SAMD12: variants seen among roughly 807,000 people sequenced by gnomAD.
SAMD12 encodes sterile alpha motif domain-containing protein 12.
A neutral mutation model predicts 15.0 loss-of-function variants in SAMD12; 9 were observed. The observed-to-expected ratio is 0.60, with a 90% confidence interval of 0.36 to 1.05. The LOEUF is 1.05. Among genes scored for constraint, SAMD12 ranks in the 50% least tolerant of loss-of-function variants. The pLI, the probability that SAMD12 is intolerant of heterozygous loss-of-function variation, is 0.01. For missense variants in SAMD12, 230 were observed against 234.2 expected (o/e 0.98, Z 0.12); for synonymous variants, 86 against 90.1 (o/e 0.96, Z 0.25).
chr8:118,153,658 A>G, the SAMD12 span, among the ~76,000 whole-genome samples: 1 of 152,126 alleles, frequency 6.6e-6, no homozygotes, highest in Non-Finnish European at 1.5e-5. Context: ...CATTGGCCTT[A>G]GAACTGAACT....
exon 5 of SAMD12, chr8:118,194,833 C>G (rs1010379841): frequency 1.3e-5 from 2 of 152,174 alleles, no homozygotes; most frequent in African/African-American, 4.8e-5. Flanking sequence ...GAAGCCAAAG[C>G]CTGTGAATGA....
At chr8:118,342,580 A>G (rs1811680391) in intron 4 of SAMD12, among the ~76,000 whole-genome samples, 1 of 152,248 alleles carries the variant, frequency 6.6e-6, no homozygotes, top group African/African-American at 2.4e-5. Context: ...AGAACTAGAA[A>G]TGTAAGATGA....
the SAMD12 span, among the ~76,000 whole-genome samples, chr8:118,158,107 G>A: frequency 6.6e-6 from 1 of 152,182 alleles, no homozygotes; most frequent in African/African-American, 2.4e-5. Context: ...AGAAGTGGGA[G>A]CTGCCCAGAC....
intron 2 of SAMD12, among the ~76,000 whole-genome samples, chr8:118,560,277 AAGG>A (rs1826666384): frequency 6.6e-6 from 1 of 152,236 alleles, no homozygotes; most frequent in Admixed American, 6.5e-5. Flanking sequence ...GGACCCAGGT[AAGG>A]AGAAGTTGAG....
At chr8:118,310,919 T>C (rs370525005) in intron 4 of SAMD12, among the ~76,000 whole-genome samples, 5 of 152,362 alleles carry the variant, frequency 3.3e-5, no homozygotes, top group African/African-American at 1.2e-4. Flanking sequence ...TTTATCTTTG[T>C]ATCCTCTGTA....
rs181434533 is a variant in SAMD12 at position 118,311,920 on chromosome 8, T to C, written c.433+67640A>G. 6.6e-5 allele frequency among the ~76,000 whole-genome samples: 10 copies of C among 152,334 alleles called. No homozygotes were observed. The East Asian group carries it at 1.9e-3, about 29-fold the overall frequency. On this transcript the variant is annotated intron_variant, in intron 4 of 4. Coordinates refer to the SAMD12 transcript ENST00000409003. ...TTATTGCTGGTTTTATATTTTACTA[T>C]GACCTCACACTCAGTAGGTCCAAAA...
intron 2 of SAMD12, among the ~76,000 whole-genome samples, chr8:118,560,913 A>T (rs1826682940): frequency 6.6e-6 from 1 of 152,222 alleles, no homozygotes; most frequent in Non-Finnish European, 1.5e-5. Context: ...AAACAGTCAA[A>T]ATATGAAAAC....
At chr8:118,189,946 GAAAAAAAAAAAAAA>G (rs895075538) in exon 5 of SAMD12, 1 of 69,056 alleles carries the variant, frequency 1.4e-5, no homozygotes, top group Non-Finnish European at 2.9e-5. Flanking sequence ...ATGCACAGAG[GAAAAAAAAAAAAAA>G]AAAAAAAAAG....
At chr8:118,394,708 T>C (rs933510461) in intron 3 of SAMD12, 3 of 152,184 alleles carry the variant, frequency 2.0e-5, no homozygotes, top group African/African-American at 7.2e-5. Context: ...AGACCCAGGC[T>C]AGTGATGGTG....
At chr8:118,601,179 TA>T (rs1827857350) in intron 1 of SAMD12, among the ~76,000 whole-genome samples, 1 of 152,200 alleles carries the variant, frequency 6.6e-6, no homozygotes, top group African/African-American at 2.4e-5. Context: ...CCAATGGGTA[TA>T]TATAATAAGC....
chr8:118,222,489 T>C (rs1168639363), intron 4 of SAMD12, among the ~76,000 whole-genome samples: 1 of 152,122 alleles, frequency 6.6e-6, no homozygotes, highest in East Asian at 1.9e-4. Context: ...AATTTAAAAA[T>C]GTGTGAGGAA....
intron 2 of SAMD12, among the ~76,000 whole-genome samples, chr8:118,569,638 G>A (rs1826950716): frequency 6.6e-6 from 1 of 152,086 alleles, no homozygotes; most frequent in Non-Finnish European, 1.5e-5. Context: ...GATGAGAATG[G>A]CATCCACACA....
intron 2 of SAMD12, among the ~76,000 whole-genome samples, chr8:118,557,061 G>A (rs1826555087): frequency 6.6e-6 from 1 of 152,190 alleles, no homozygotes; most frequent in Non-Finnish European, 1.5e-5. Flanking sequence ...AAGAGTGAGG[G>A]AATGATATGG....
In SAMD12 at chr8:118,301,325, C is replaced by A. The variant is rs956868296; in HGVS notation, c.433+78235G>T. Among the ~76,000 whole-genome samples the A allele has an allele frequency of 5.9e-5, 9 of 152,126 alleles. No individual in the cohort carries two copies. In the South Asian group the frequency reaches 1.9e-3, roughly 32 times the overall value. ...AGAATAAAAATGTGAAGGAAAAATT[C>A]AAAAAGCTGTCACGATGGAAATGGT... On this transcript the variant is annotated intron_variant, in intron 4 of 4. Transcript: ENST00000409003.
intron 4 of SAMD12, among the ~76,000 whole-genome samples, chr8:118,237,118 C>G (rs1812454453): frequency 6.6e-6 from 1 of 152,140 alleles, no homozygotes; most frequent in Non-Finnish European, 1.5e-5. Flanking sequence ...TTAATTATTC[C>G]ATTCAATCCT....
At chr8:118,494,311 A>G (rs1824537680) in intron 2 of SAMD12, among the ~76,000 whole-genome samples, 1 of 152,208 alleles carries the variant, frequency 6.6e-6, no homozygotes, top group South Asian at 2.1e-4. Context: ...TCTGATGTCT[A>G]TAACTACAGG....
intron 2 of SAMD12, among the ~76,000 whole-genome samples, chr8:118,554,750 G>A (rs1826473678): frequency 6.6e-6 from 1 of 152,018 alleles, no homozygotes; most frequent in Admixed American, 6.5e-5. Context: ...TTATGATATG[G>A]GTGGGTCTCG....
chr8:118,327,561 A>G (rs1343117501), intron 4 of SAMD12, among the ~76,000 whole-genome samples: 1 of 152,218 alleles, frequency 6.6e-6, no homozygotes, highest in Admixed American at 6.5e-5. Flanking sequence ...AAGAGGGGAA[A>G]GATGATGGGA....
intron 3 of SAMD12, among the ~76,000 whole-genome samples, chr8:118,410,932 C>T (rs895265373): frequency 1.3e-5 from 2 of 151,916 alleles, no homozygotes; most frequent in Non-Finnish European, 1.5e-5. Context: ...GCATTAACTT[C>T]GACATGAGGC....
Sources: allele counts gnomAD v4.1 joint callset (sites outside exome capture counted in the v4.1 genomes callset), GRCh38; gene constraint gnomAD v4.1.1; transcripts MANE v1.5; gene names NCBI Gene and HGNC (gene_info 2026-07-23, HGNC 2026-07-21).